Variants in CACNA2D3 observed in about 807,000 individuals in gnomAD.
The protein encoded by CACNA2D3 is calcium voltage-gated channel auxiliary subunit alpha2delta 3, also known as voltage-dependent calcium channel subunit alpha-2/delta-3.
CACNA2D3 carries 60 observed loss-of-function variants against 160.6 expected under a neutral mutation model. The ratio of observed to expected loss-of-function variants is 0.37; its 90% CI spans 0.30 to 0.46. The LOEUF is 0.46. Among genes scored for constraint, CACNA2D3 ranks in the 20% least tolerant of loss-of-function variants. CACNA2D3 has a pLI of 1.00. For missense variants in CACNA2D3, 1,205 were observed against 1,365.0 expected (o/e 0.88, Z 1.85); for synonymous variants, 558 against 492.9 (o/e 1.13, Z -1.75).
intron 4 of CACNA2D3, 59 bp from the exon 5 acceptor site, chr3:54,503,433 G>A: frequency 6.6e-7 from 1 of 1,516,376 alleles, no homozygotes. Context: ...CCAGGTCTAA[G>A]TGAGTTCACA....
At chr3:54,646,169 TC>T in intron 11 of CACNA2D3, among the ~76,000 whole-genome samples, 1 of 20,182 alleles carries the variant, frequency 5.0e-5, no homozygotes, top group Admixed American at 7.1e-4. Flanking sequence ...CCTCCCTCCC[TC>T]CCTCCCTCCC....
intron 2 of CACNA2D3, among the ~76,000 whole-genome samples, chr3:54,242,279 C>A (rs1288986004): frequency 5.4e-5 from 7 of 129,736 alleles, no homozygotes; most frequent in Admixed American, 2.3e-4. Flanking sequence ...AAAACAAAAA[C>A]AAACAAACAA....
At chr3:54,467,245 A>G (rs1044659500) in intron 4 of CACNA2D3, among the ~76,000 whole-genome samples, 4 of 152,232 alleles carry the variant, frequency 2.6e-5, no homozygotes, top group African/African-American at 7.2e-5. Flanking sequence ...AAGAGGCACC[A>G]ACTCTGTGTG....
chr3:54,317,963 C>G (rs1703904177), intron 2 of CACNA2D3, among the ~76,000 whole-genome samples: 1 of 152,186 alleles, frequency 6.6e-6, no homozygotes. Flanking sequence ...GCCCCATCTC[C>G]CAGTACTACT....
At chr3:54,907,935 T>G (rs977057767) in intron 27 of CACNA2D3, among the ~76,000 whole-genome samples, 3 of 152,224 alleles carry the variant, frequency 2.0e-5, no homozygotes. Flanking sequence ...TAATATTCCC[T>G]TGTATGGATA....
chr3:54,240,834 C>T (rs1701961748), intron 2 of CACNA2D3, among the ~76,000 whole-genome samples: 1 of 152,122 alleles, frequency 6.6e-6, no homozygotes, highest in African/African-American at 2.4e-5. Flanking sequence ...TTCTGCCTCC[C>T]AGGTTCAAGT....
chr3:54,679,683 A>G (rs1451899700), intron 11 of CACNA2D3, among the ~76,000 whole-genome samples: 1 of 152,252 alleles, frequency 6.6e-6, no homozygotes, highest in Non-Finnish European at 1.5e-5. Context: ...ATTCAGGACC[A>G]TGCAGACCAT....
chr3:55,051,150 A>G (rs1331812149), intron 35 of CACNA2D3, among the ~76,000 whole-genome samples: 1 of 152,248 alleles, frequency 6.6e-6, no homozygotes, highest in East Asian at 1.9e-4. Context: ...CTGGTGAGGA[A>G]CTGTGTTCCT....
chr3:54,149,267 G>GCA (rs3060363), intron 2 of CACNA2D3, among the ~76,000 whole-genome samples: 12,435 of 144,308 alleles, frequency 0.086, 659 homozygotes, highest in African/African-American at 0.15. Flanking sequence ...GGTCCCATGT[G>GCA]CACACACACA....
At chr3:54,661,288 A>G (rs145097041) in intron 11 of CACNA2D3, among the ~76,000 whole-genome samples, 15 of 152,284 alleles carry the variant, frequency 9.9e-5, no homozygotes, top group Admixed American at 4.6e-4. Flanking sequence ...CTCAAAGCCC[A>G]TGGAAACTTT....
chr3:54,231,849 G>A (rs1457501385), intron 2 of CACNA2D3, among the ~76,000 whole-genome samples: 1 of 142,302 alleles, frequency 7.0e-6, no homozygotes, highest in Non-Finnish European at 1.5e-5. Context: ...GGTGCATGGT[G>A]AATGGAAGGG....
At chr3:54,630,797 A>G (rs1032325006) in intron 10 of CACNA2D3, among the ~76,000 whole-genome samples, 1 of 152,148 alleles carries the variant, frequency 6.6e-6, no homozygotes, top group Non-Finnish European at 1.5e-5. Context: ...TTGAACAGGA[A>G]AACCCTCCAT....
At chr3:54,921,115 A>G (rs1484440825) in intron 27 of CACNA2D3, among the ~76,000 whole-genome samples, 1 of 152,172 alleles carries the variant, frequency 6.6e-6, no homozygotes, top group Non-Finnish European at 1.5e-5. Context: ...CTTCTAGATT[A>G]ATGTAACTGA....
intron 2 of CACNA2D3, among the ~76,000 whole-genome samples, chr3:54,288,979 A>T (rs976766005): frequency 6.6e-5 from 10 of 152,246 alleles, no homozygotes; most frequent in African/African-American, 2.2e-4. Flanking sequence ...AATGGGCAAA[A>T]ACTGGAAGCA....
intron 2 of CACNA2D3, among the ~76,000 whole-genome samples, chr3:54,163,577 A>G (rs1700391295): frequency 6.6e-6 from 1 of 152,202 alleles, no homozygotes; most frequent in Non-Finnish European, 1.5e-5. Context: ...GCCTGATAGC[A>G]GCGGAGTGGG....
chr3:54,315,996 GAAAA>G (rs201361398), intron 2 of CACNA2D3, among the ~76,000 whole-genome samples: 1 of 151,850 alleles, frequency 6.6e-6, no homozygotes, highest in Non-Finnish European at 1.5e-5. Context: ...AAAGAAGAAA[GAAAA>G]AAAATCATTT....
intron 4 of CACNA2D3, among the ~76,000 whole-genome samples, chr3:54,406,031 A>G (rs961551041): frequency 2.6e-5 from 4 of 152,182 alleles, no homozygotes; most frequent in African/African-American, 9.6e-5. Flanking sequence ...ACTGTTGTCA[A>G]AAAGACAAAA....
intron 18 of CACNA2D3, among the ~76,000 whole-genome samples, chr3:54,878,149 G>T (rs1415079504): frequency 6.6e-6 from 1 of 152,096 alleles, no homozygotes; most frequent in Non-Finnish European, 1.5e-5. Context: ...TTTTCTATCG[G>T]CCAGATCTTA....
intron 11 of CACNA2D3, among the ~76,000 whole-genome samples, chr3:54,710,140 C>T (rs1046391906): frequency 4.6e-5 from 7 of 152,156 alleles, no homozygotes; most frequent in Admixed American, 2.0e-4. Flanking sequence ...ATTGAATTAG[C>T]ACCTATGAAT....
Sources: allele counts gnomAD v4.1 joint callset (sites outside exome capture counted in the v4.1 genomes callset), GRCh38; gene constraint gnomAD v4.1.1; transcripts MANE v1.5; gene names NCBI Gene and HGNC (gene_info 2026-07-23, HGNC 2026-07-21).